Variants in SOX6 observed in about 807,000 individuals in gnomAD.
SOX6 encodes the protein SRY-box transcription factor 6.
SOX6 carries 11 observed loss-of-function variants against 97.8 expected under a neutral mutation model. The ratio of observed to expected loss-of-function variants is 0.11; its 90% CI spans 0.07 to 0.19. SOX6 has a LOEUF of 0.19. Ranked by LOEUF, SOX6 falls within the 10% of genes least tolerant of loss-of-function variation. The pLI is 1.00. For missense variants in SOX6, 810 were observed against 1,039.5 expected (o/e 0.78, Z 3.04); for synonymous variants, 360 against 371.4 (o/e 0.97, Z 0.35).
intron 3 of SOX6, among the ~76,000 whole-genome samples, chr11:16,682,299 G>A (rs1057386465): frequency 6.6e-6 from 1 of 152,144 alleles, no homozygotes; most frequent in Non-Finnish European, 1.5e-5. Flanking sequence ...TAGCCTGGGC[G>A]ACAGAACAAG....
intron 7 of SOX6, among the ~76,000 whole-genome samples, chr11:16,104,319 AT>A (rs1194435275): frequency 1.3e-5 from 2 of 152,034 alleles, no homozygotes; most frequent in Non-Finnish European, 2.9e-5. Flanking sequence ...TGTCATTTGC[AT>A]AACACCACAT....
At chr11:16,560,452 C>CGTACATATATGTTTATAT (rs1847797303) in intron 4 of SOX6, among the ~76,000 whole-genome samples, 1 of 142,682 alleles carries the variant, frequency 7.0e-6, no homozygotes, top group Admixed American at 6.9e-5. Context: ...TATGTTTATA[C>CGTACATATATGTTTATAT]GTACATATAT....
chr11:15,973,036 G>A lies in SOX6; in HGVS notation c.2260C>T (p.Pro754Ser). Residue 754 changes from proline (P) to serine (S), a missense_variant, in exon 16 of 16, where the codon CCA becomes TCA. Around this residue, in one of 9 missense-constraint regions of SOX6, gnomAD observed 122 missense variants for 153.4 expected, o/e 0.80. Coordinates refer to ENST00000683767, the MANE Select transcript of SOX6 (RefSeq NM_001367873.1). ...PGAITMATTTPSPQMTSDCSS... is the reference protein window; with the variant it reads ...PGAITMATTTSSPQMTSDCSS... ...CAGTCAGATGTCATCTGAGGCGATG[G>A]TGTGGTAGTTGCCATAGTGATAGCA... 6.2e-7 allele frequency: 1 copy of A among 1,614,194 alleles called. No individual in the cohort carries two copies. Among genetic ancestry groups the A allele is most frequent in the Non-Finnish European group, 8.5e-7 (1 of 1,180,036 alleles).
chr11:16,144,659 A>G (rs1850241554), intron 6 of SOX6, among the ~76,000 whole-genome samples: 2 of 152,206 alleles, frequency 1.3e-5, no homozygotes, highest in African/African-American at 4.8e-5. Context: ...AAAAAATGAT[A>G]AAGGGGATAT....
At chr11:16,006,761 C>T (rs1056185921) in intron 13 of SOX6, among the ~76,000 whole-genome samples, 3 of 152,044 alleles carry the variant, frequency 2.0e-5, no homozygotes, top group African/African-American at 7.2e-5. Flanking sequence ...CTTGTAATCC[C>T]AACTACATTA....
intron 6 of SOX6, among the ~76,000 whole-genome samples, chr11:16,143,987 C>G (rs1239888968): frequency 6.6e-6 from 1 of 152,206 alleles, no homozygotes; most frequent in Non-Finnish European, 1.5e-5. Flanking sequence ...GAACTCAGCT[C>G]TGCACCAGGC....
intron 4 of SOX6, among the ~76,000 whole-genome samples, chr11:16,496,161 T>C (rs534087703): frequency 1.6e-4 from 25 of 151,918 alleles, no homozygotes; most frequent in East Asian, 5.8e-4. Context: ...TGCAAAGATA[T>C]AGAAACATGA....
chr11:16,178,019 T>G (rs888803689), intron 6 of SOX6, among the ~76,000 whole-genome samples: 1 of 151,882 alleles, frequency 6.6e-6, no homozygotes, highest in Non-Finnish European at 1.5e-5. Context: ...AACTGAAGGA[T>G]AGCGCAGAAA....
rs144142272 is a variant in SOX6 at position 16,568,815 on chromosome 11, C to T, written n.609+43266G>A. ...TATAGAATATGGAAACATTTTGATGCCTTTTACACTGTCCACCCTTACTCT... is the reference window on the plus strand; with the variant it reads ...TATAGAATATGGAAACATTTTGATGTCTTTTACACTGTCCACCCTTACTCT... On this transcript the variant is annotated intron_variant and non_coding_transcript_variant, in intron 4 of 5. Coordinates refer to the SOX6 transcript ENST00000524520. Among the ~76,000 whole-genome samples the T allele has an allele frequency of 8.0e-3, 1,218 of 152,190 alleles. 14 individuals are homozygous for T. Among genetic ancestry groups the T allele is most frequent in the African/African-American group, 0.028 (1,164 of 41,510 alleles).
chr11:16,479,487 G>A (rs995172031), upstream of SOX6, among the ~76,000 whole-genome samples: 18 of 150,052 alleles, frequency 1.2e-4, no homozygotes, highest in African/African-American at 3.7e-4. Context: ...CCAAGATTGC[G>A]TTACTGCACT....
intron 1 of SOX6, among the ~76,000 whole-genome samples, chr11:16,432,154 AAT>A (rs1272863194): frequency 5.3e-5 from 8 of 152,056 alleles, no homozygotes; most frequent in Non-Finnish European, 1.0e-4. Context: ...CTAACTCAAA[AAT>A]ATAGTTACCT....
chr11:16,639,906 T>C (rs1309769247), intron 3 of SOX6, among the ~76,000 whole-genome samples: 1 of 152,086 alleles, frequency 6.6e-6, no homozygotes, highest in South Asian at 2.1e-4. Context: ...TTTATTTCCT[T>C]CTCCTGCCTG....
chr11:15,981,932 T>A (rs544026906), intron 15 of SOX6, among the ~76,000 whole-genome samples: 6 of 152,202 alleles, frequency 3.9e-5, no homozygotes, highest in African/African-American at 1.4e-4. Context: ...AGAAGAGTCC[T>A]GCATATGTCA....
intron 6 of SOX6, among the ~76,000 whole-genome samples, chr11:16,141,579 G>A (rs927398726): frequency 2.7e-4 from 41 of 152,268 alleles, no homozygotes; most frequent in Middle Eastern, 3.4e-3. Flanking sequence ...CACCTCACCC[G>A]AAAAGCGCAA....
Position 16,712,411 on chromosome 11 carries a change from A to T in SOX6, n.429+2419T>A, listed in dbSNP as rs572597399. Among the ~76,000 whole-genome samples, 67 of 149,152 alleles carry T rather than the reference A, an allele frequency of 4.5e-4. 1 individual carries two copies. The highest frequency in any genetic ancestry group is 3.9e-4 in the East Asian group (2 of 5,110). On this transcript the variant is annotated intron_variant and non_coding_transcript_variant, in intron 3 of 5. Transcript: ENST00000524520. ...GTTCGCCACATCCATGCCAACATCT[A>T]TTTTTTTTTTATTTTTTAATTATGG... is the stretch of plus-strand genomic sequence containing the variant.
intron 4 of SOX6, among the ~76,000 whole-genome samples, chr11:16,232,594 C>T (rs894985998): frequency 5.3e-5 from 8 of 151,738 alleles, no homozygotes; most frequent in Admixed American, 3.3e-4. Context: ...TAAAGAAAGA[C>T]GGAAAGGGGG....
intron 1 of SOX6, among the ~76,000 whole-genome samples, chr11:16,386,817 T>A (rs1858001644): frequency 6.6e-6 from 1 of 152,174 alleles, no homozygotes; most frequent in South Asian, 2.1e-4. Context: ...AAATATTTAT[T>A]TAATGCCTTC....
In SOX6 at chr11:15,972,435, G is replaced by C; in HGVS notation, c.*374C>G. 4.1e-6 allele frequency: 1 copy of C among 242,266 alleles called. No individual in the cohort carries two copies. Among genetic ancestry groups the C allele is most frequent in the Non-Finnish European group, 8.2e-6 (1 of 122,058 alleles). 15.0% of individuals were successfully genotyped at this position (242,266 alleles called of 1,614,324 possible). On this transcript the variant is annotated 3_prime_UTR_variant, in exon 16 of 16. Transcript: ENST00000683767. ...GTAGGCCGGCACAGCATACCTGAGTGAGAATGTTTAACCCCATCTAAAACA... is the reference window on the plus strand; with the variant it reads ...GTAGGCCGGCACAGCATACCTGAGTCAGAATGTTTAACCCCATCTAAAACA...
intron 6 of SOX6, 81 bp downstream of exon 6, chr11:16,183,805 A>T: frequency 8.4e-7 from 1 of 1,184,474 alleles, no homozygotes; most frequent in Non-Finnish European, 1.3e-6. Context: ...AGACAGGGGT[A>T]CATCTGCAGA....
Sources: allele counts gnomAD v4.1 joint callset (sites outside exome capture counted in the v4.1 genomes callset), GRCh38; gene constraint gnomAD v4.1.1; regional missense constraint gnomAD v4.1.1; transcripts MANE v1.5; gene names NCBI Gene and HGNC (gene_info 2026-07-23, HGNC 2026-07-21).